Variants in CDH13 observed in about 807,000 individuals in gnomAD.
The protein encoded by CDH13 is cadherin-13.
CDH13 carries 24 observed loss-of-function variants against 63.8 expected under a neutral mutation model. That is an observed-to-expected ratio of 0.38 (90% confidence interval 0.27 to 0.53). The LOEUF is 0.53. Among genes scored for constraint, CDH13 ranks in the 20% least tolerant of loss-of-function variants. The pLI is 0.85. For synonymous variants in CDH13, 503 were observed against 355.3 expected (o/e 1.42, Z -4.67); for missense variants, 1,049 against 903.1 (o/e 1.16, Z -2.07).
chr16:83,328,862 C>T (rs1267738128), intron 5 of CDH13, among the ~76,000 whole-genome samples: 2 of 151,968 alleles, frequency 1.3e-5, no homozygotes, highest in Non-Finnish European at 2.9e-5. Flanking sequence ...GTACCTGATC[C>T]AAGGGGAAAA....
chr16:83,386,010 T>C (rs1229981950), intron 6 of CDH13, among the ~76,000 whole-genome samples: 1 of 152,220 alleles, frequency 6.6e-6, no homozygotes, highest in African/African-American at 2.4e-5. Context: ...CATTTGTAGC[T>C]ATGGGTGCTT....
At chr16:83,468,413 G>T (rs539869652) in intron 6 of CDH13, among the ~76,000 whole-genome samples, 14 of 152,312 alleles carry the variant, frequency 9.2e-5, no homozygotes, top group African/African-American at 3.4e-4. Flanking sequence ...AGGGAGCACA[G>T]CCCCGCCCAC....
At chr16:82,948,376 C>T (rs923289744) in intron 2 of CDH13, among the ~76,000 whole-genome samples, 1 of 152,162 alleles carries the variant, frequency 6.6e-6, no homozygotes, top group Non-Finnish European at 1.5e-5. Flanking sequence ...GGAACATCAG[C>T]AGTAAATTTA....
chr16:82,774,748 A>G (rs1185301592), intron 1 of CDH13, among the ~76,000 whole-genome samples: 1 of 152,162 alleles, frequency 6.6e-6, no homozygotes, highest in African/African-American at 2.4e-5. Context: ...GCATTCATGA[A>G]CAGTCACAGA....
chr16:82,885,924 G>A (rs550034377), intron 2 of CDH13, among the ~76,000 whole-genome samples: 8 of 152,126 alleles, frequency 5.3e-5, no homozygotes, highest in Non-Finnish European at 1.2e-4. Context: ...GAAGTTCTCA[G>A]TAAATATTAG....
intron 10 of CDH13, among the ~76,000 whole-genome samples, chr16:83,706,300 A>G (rs1039623815): frequency 4.6e-5 from 7 of 152,228 alleles, no homozygotes; most frequent in Non-Finnish European, 8.8e-5. Context: ...TTTATGATCC[A>G]GCCTCAGAAA....
At chr16:82,910,896 T>C (rs1026467388) in intron 2 of CDH13, among the ~76,000 whole-genome samples, 1 of 152,174 alleles carries the variant, frequency 6.6e-6, no homozygotes, top group African/African-American at 2.4e-5. Context: ...TGGATGAGTT[T>C]AATCAACTCT....
chr16:83,714,840 G>C (rs927893229), intron 10 of CDH13, among the ~76,000 whole-genome samples: 1 of 152,138 alleles, frequency 6.6e-6, no homozygotes, highest in Non-Finnish European at 1.5e-5. Context: ...TCTTCGATGA[G>C]AATGGGTCTT....
intron 5 of CDH13, among the ~76,000 whole-genome samples, chr16:83,224,840 C>G (rs1404980564): frequency 1.3e-5 from 2 of 152,212 alleles, no homozygotes; most frequent in Non-Finnish European, 2.9e-5. Context: ...AGCCCAGTCA[C>G]TTAGTAAGTG....
At chr16:82,809,378 G>A (rs946078084) in intron 1 of CDH13, among the ~76,000 whole-genome samples, 13 of 152,034 alleles carry the variant, frequency 8.6e-5, no homozygotes, top group Admixed American at 7.2e-4. Context: ...TGTGCAGAAA[G>A]CCGGTGAGTT....
chr16:82,939,211 C>G (rs1178359273), intron 2 of CDH13, among the ~76,000 whole-genome samples: 1 of 152,124 alleles, frequency 6.6e-6, no homozygotes, highest in African/African-American at 2.4e-5. Context: ...ATCACCTGAG[C>G]TCAGGGGTTT....
intron 3 of CDH13, among the ~76,000 whole-genome samples, chr16:83,053,620 A>C (rs1270268905): frequency 6.6e-6 from 1 of 152,196 alleles, no homozygotes. Context: ...ATAGAAAATG[A>C]AAAAAAGTAA....
chr16:83,287,252 G>A (rs1046847384), intron 5 of CDH13, among the ~76,000 whole-genome samples: 2 of 152,190 alleles, frequency 1.3e-5, no homozygotes, highest in African/African-American at 4.8e-5. Flanking sequence ...GCCAGCTGAT[G>A]AAGCCAGAGA....
chr16:83,217,381 C>T lies in CDH13; in HGVS notation c.520C>T (p.Arg174Trp), dbSNP rs867465333. 7.4e-6 allele frequency: 12 copies of T among 1,613,860 alleles called. No individual in the cohort carries two copies. Among genetic ancestry groups the T allele is most frequent in the South Asian group, 1.1e-5 (1 of 91,066 alleles). The change falls in exon 5 of 14, where the codon CGG becomes TGG. Residue 174 changes from arginine to tryptophan, a missense_variant. Coordinates refer to ENST00000567109, the MANE Select transcript of CDH13 (RefSeq NM_001257.5). The stretch of plus-strand genomic sequence containing the variant: ...TGACAGGCCAGAAAGGTCCAAGTTC[C>T]GGCTCACTGGAAAGGGAGTGGATCA... Reference protein sequence around the residue: ...DSDRPERSKFRLTGKGVDQEP... With the variant: ...DSDRPERSKFWLTGKGVDQEP...
At chr16:83,180,961 G>C (rs1352029545) in intron 4 of CDH13, 4 of 1,532,220 alleles carry the variant, frequency 2.6e-6, no homozygotes, top group Non-Finnish European at 2.6e-6. Context: ...GCAATTTAAT[G>C]AACATCCTAT....
chr16:83,153,076 A>C (rs900491265), intron 4 of CDH13, among the ~76,000 whole-genome samples: 1 of 152,192 alleles, frequency 6.6e-6, no homozygotes, highest in African/African-American at 2.4e-5. Flanking sequence ...ATTGCAATAG[A>C]GAAAAAGTAA....
intron 2 of CDH13, among the ~76,000 whole-genome samples, chr16:82,928,038 G>A (rs753422460): frequency 1.3e-5 from 2 of 152,168 alleles, no homozygotes; most frequent in Non-Finnish European, 2.9e-5. Flanking sequence ...TTCATGCATT[G>A]TGATGGGGAT....
chr16:83,222,082 A>G (rs2039716862), intron 5 of CDH13, among the ~76,000 whole-genome samples: 1 of 152,196 alleles, frequency 6.6e-6, no homozygotes, highest in Non-Finnish European at 1.5e-5. Flanking sequence ...TCATCTTCAT[A>G]AAGATAACCT....
At chr16:82,870,960 T>C (rs879448761) in intron 2 of CDH13, among the ~76,000 whole-genome samples, 15 of 152,228 alleles carry the variant, frequency 9.9e-5, no homozygotes, top group African/African-American at 3.4e-4. Context: ...TAGTTAACTC[T>C]GCCTGTCCCA....
Sources: allele counts gnomAD v4.1 joint callset (sites outside exome capture counted in the v4.1 genomes callset), GRCh38; gene constraint gnomAD v4.1.1; transcripts MANE v1.5; gene names NCBI Gene and HGNC (gene_info 2026-07-23, HGNC 2026-07-21).